NRG1: variants seen among roughly 807,000 people sequenced by gnomAD.
The protein encoded by NRG1 is neuregulin 1, also known as pro-neuregulin-1, membrane-bound isoform.
A neutral mutation model predicts 63.8 loss-of-function variants in NRG1; 18 were observed. The ratio of observed to expected loss-of-function variants is 0.28; its 90% CI spans 0.19 to 0.42. NRG1 has a LOEUF of 0.42. Ranked by LOEUF, NRG1 falls within the 10% of genes least tolerant of loss-of-function variation. The pLI is 1.00. For synonymous variants in NRG1, 302 were observed against 301.3 expected (o/e 1.00, Z -0.02); for missense variants, 762 against 814.7 (o/e 0.94, Z 0.79).
chr8:32,754,260 T>G (rs1722424380), intron 7 of NRG1, 112 bp from the exon 8 acceptor site: 1 of 839,956 alleles, frequency 1.2e-6, no homozygotes, highest in South Asian at 1.5e-5. Context: ...TGTCATGTAT[T>G]TATTTTCTTG....
At chr8:31,842,757 CTAGA>C (rs1826310565) in intron 1 of NRG1, among the ~76,000 whole-genome samples, 1 of 152,100 alleles carries the variant, frequency 6.6e-6, no homozygotes, top group African/African-American at 2.4e-5. Flanking sequence ...TACTTAATAA[CTAGA>C]TAGATAGTTT....
intron 1 of NRG1, among the ~76,000 whole-genome samples, chr8:32,096,443 GTTC>G (rs1563781795): frequency 1.3e-5 from 2 of 152,092 alleles, no homozygotes; most frequent in South Asian, 2.1e-4. Context: ...TTTCAGATCT[GTTC>G]TTCTAGCTAT....
At chr8:32,488,918 T>G (rs1249229594) in intron 1 of NRG1, among the ~76,000 whole-genome samples, 1 of 152,128 alleles carries the variant, frequency 6.6e-6, no homozygotes, top group Admixed American at 6.6e-5. Flanking sequence ...CTTCCCTCTT[T>G]AGGATAAAAA....
intron 1 of NRG1, among the ~76,000 whole-genome samples, chr8:31,962,894 G>A (rs1249121353): frequency 1.3e-5 from 2 of 152,166 alleles, no homozygotes; most frequent in Non-Finnish European, 2.9e-5. Flanking sequence ...CCTTTTCTAA[G>A]AGAATCAATA....
At chr8:32,079,243 A>C (rs976561395) in intron 1 of NRG1, among the ~76,000 whole-genome samples, 107 of 152,090 alleles carry the variant, frequency 7.0e-4, no homozygotes, top group Non-Finnish European at 1.5e-3. Context: ...TATCCCTAAG[A>C]GTATTTGTGG....
At chr8:32,379,404 T>G (rs1328818016) in intron 1 of NRG1, among the ~76,000 whole-genome samples, 2 of 152,184 alleles carry the variant, frequency 1.3e-5, no homozygotes, top group East Asian at 3.8e-4. Flanking sequence ...CACTCTGCCC[T>G]CAATAACAAG....
chr8:31,803,666 G>T, intron 1 of NRG1, among the ~76,000 whole-genome samples: 1 of 152,166 alleles, frequency 6.6e-6, no homozygotes, highest in Non-Finnish European at 1.5e-5. Flanking sequence ...GAGGCAAAAT[G>T]ACCTTTTAAA....
intron 1 of NRG1, among the ~76,000 whole-genome samples, chr8:31,911,193 A>C (rs967353009): frequency 6.6e-6 from 1 of 152,184 alleles, no homozygotes; most frequent in Admixed American, 6.5e-5. Flanking sequence ...TCAAAGACCT[A>C]CAAACAGAAG....
At chr8:32,010,213 A>G (rs1404103186) in intron 1 of NRG1, among the ~76,000 whole-genome samples, 1 of 152,128 alleles carries the variant, frequency 6.6e-6, no homozygotes, top group African/African-American at 2.4e-5. Context: ...AAAGCACATC[A>G]TAATTAGTGT....
chr8:31,752,301 G>A (rs1397587109), intron 1 of NRG1, among the ~76,000 whole-genome samples: 2 of 152,066 alleles, frequency 1.3e-5, no homozygotes, highest in East Asian at 3.9e-4. Context: ...AGAACAGAGT[G>A]ACTGGAGCTA....
chr8:32,385,042 C>T (rs1490460115), intron 1 of NRG1, among the ~76,000 whole-genome samples: 4 of 152,136 alleles, frequency 2.6e-5, no homozygotes, highest in African/African-American at 4.8e-5. Flanking sequence ...TTTTTTGAGA[C>T]GGAGTCTCGC....
chr8:32,099,124 A>C (rs569974240), intron 1 of NRG1, among the ~76,000 whole-genome samples: 30 of 152,322 alleles, frequency 2.0e-4, no homozygotes, highest in Non-Finnish European at 2.9e-4. Flanking sequence ...AGCTGACTGC[A>C]AGGAGACAAA....
At chr8:32,152,857 T>C (rs1837650616) in intron 1 of NRG1, among the ~76,000 whole-genome samples, 1 of 152,202 alleles carries the variant, frequency 6.6e-6, no homozygotes, top group Non-Finnish European at 1.5e-5. Context: ...GTGATAAATA[T>C]ACACGTGCAC....
At chr8:31,870,153 T>A (rs925658529) in intron 1 of NRG1, among the ~76,000 whole-genome samples, 3 of 151,956 alleles carry the variant, frequency 2.0e-5, no homozygotes, top group African/African-American at 7.2e-5. Flanking sequence ...TTAGTTTCAA[T>A]GGGAAACTTA....
At chr8:31,663,961 G>A (rs1585500007) in intron 1 of NRG1, among the ~76,000 whole-genome samples, 1 of 152,036 alleles carries the variant, frequency 6.6e-6, no homozygotes, top group African/African-American at 2.4e-5. Flanking sequence ...ATTAGGAAAG[G>A]GTGGGTTCTT....
At chr8:32,764,578 T>A in exon 12 of NRG1, 2 of 523,692 alleles carry the variant, frequency 3.8e-6, no homozygotes, top group African/African-American at 3.9e-5. Context: ...TATGTAGCAA[T>A]TTTTTACAGT....
intron 1 of NRG1, among the ~76,000 whole-genome samples, chr8:32,183,288 T>C (rs1841623628): frequency 6.6e-6 from 1 of 152,174 alleles, no homozygotes; most frequent in South Asian, 2.1e-4. Flanking sequence ...CCTTGCTACA[T>C]GTGGGGCGGG....
intron 1 of NRG1, among the ~76,000 whole-genome samples, chr8:32,520,847 C>A (rs768018521): frequency 1.3e-5 from 2 of 152,178 alleles, no homozygotes; most frequent in African/African-American, 2.4e-5. Context: ...CCTCTGGGGA[C>A]ATGAATCCTC....
intron 1 of NRG1, among the ~76,000 whole-genome samples, chr8:31,764,150 C>G (rs984437166): frequency 1.3e-5 from 2 of 151,956 alleles, no homozygotes; most frequent in African/African-American, 4.8e-5. Flanking sequence ...TTTGACTAGT[C>G]AATTCCTCCT....
Sources: gnomAD v4.1 joint callset for allele counts (sites outside exome capture counted in the v4.1 genomes callset) on GRCh38, gnomAD v4.1.1 for gene constraint, MANE v1.5 for transcripts, NCBI Gene and HGNC (gene_info 2026-07-23, HGNC 2026-07-21) for gene names.